Variants in AUTS2 observed in about 807,000 individuals in gnomAD.
AUTS2 encodes autism susceptibility gene 2 protein.
In AUTS2, 17 loss-of-function variants were observed where a neutral mutation model predicts 112.4. That is an observed-to-expected ratio of 0.15 (90% CI 0.10 to 0.23). The LOEUF (loss-of-function observed/expected upper bound fraction) is 0.23. Ranked by LOEUF, AUTS2 falls within the 10% of genes least tolerant of loss-of-function variation. The probability of loss-of-function intolerance (pLI) is 1.00; values close to 1 mark genes in which losing one functional copy is unlikely to be tolerated. For synonymous variants in AUTS2, 751 were observed against 702.7 expected, an observed-to-expected ratio of 1.07 and a Z score of -1.09; for missense variants, 1,510 against 1,701.6, an observed-to-expected ratio of 0.89 and a Z score of 1.98.
chr7:70,008,286 C>A (rs1348573100), intron 2 of AUTS2, among the ~76,000 whole-genome samples: 2 of 152,016 alleles, frequency 1.3e-5, no homozygotes, highest in Non-Finnish European at 2.9e-5. Flanking sequence ...CTATTTATAA[C>A]AATTTTTAAA....
intron 5 of AUTS2, among the ~76,000 whole-genome samples, chr7:70,455,207 G>A (rs1796686213): frequency 6.6e-6 from 1 of 152,180 alleles, no homozygotes; most frequent in African/African-American, 2.4e-5. Flanking sequence ...GGGAATTGTG[G>A]GTAATAGTAA....
intron 4 of AUTS2, among the ~76,000 whole-genome samples, chr7:70,189,892 G>T (rs1809796310): frequency 6.6e-6 from 1 of 152,156 alleles, no homozygotes; most frequent in Non-Finnish European, 1.5e-5. Context: ...CTATAGTGCA[G>T]TGTGTGTTAG....
intron 6 of AUTS2, among the ~76,000 whole-genome samples, chr7:70,719,731 C>T (rs749197535): frequency 3.3e-5 from 5 of 151,978 alleles, no homozygotes; most frequent in Non-Finnish European, 2.9e-5. Flanking sequence ...CAAAGTGCTG[C>T]GATTACAGGC....
intron 2 of AUTS2, among the ~76,000 whole-genome samples, chr7:70,010,512 TC>T (rs1404151116): frequency 6.6e-6 from 1 of 152,176 alleles, no homozygotes; most frequent in Non-Finnish European, 1.5e-5. Context: ...TTAGCAATGT[TC>T]AAGATGGTGG....
intron 12 of AUTS2, chr7:70,774,372 G>T (rs1443261783): frequency 4.8e-6 from 2 of 419,562 alleles, no homozygotes; most frequent in Non-Finnish European, 8.5e-6. Flanking sequence ...GTGTCAGCTT[G>T]TATAGTTTTT....
At chr7:69,700,274 C>A (rs1797751649) in intron 1 of AUTS2, among the ~76,000 whole-genome samples, 1 of 151,956 alleles carries the variant, frequency 6.6e-6, no homozygotes, top group Non-Finnish European at 1.5e-5. Flanking sequence ...TTTGTGTCAT[C>A]AACAGTCTGG....
At chr7:70,302,765 G>A (rs918420803) in intron 4 of AUTS2, among the ~76,000 whole-genome samples, 2 of 151,990 alleles carry the variant, frequency 1.3e-5, no homozygotes, top group East Asian at 3.9e-4. Flanking sequence ...AGGCTGTCTG[G>A]CTCATCTCTT....
intron 5 of AUTS2, among the ~76,000 whole-genome samples, chr7:70,491,156 C>T (rs1234797659): frequency 6.6e-6 from 1 of 152,162 alleles, no homozygotes. Flanking sequence ...GGAGTGCCTG[C>T]CGTGTCTTTG....
intron 5 of AUTS2, among the ~76,000 whole-genome samples, chr7:70,447,152 C>T (rs1562961796): frequency 6.6e-6 from 1 of 152,224 alleles, no homozygotes; most frequent in Non-Finnish European, 1.5e-5. Flanking sequence ...ATGGCAGAAC[C>T]CACGTCCAGC....
At chr7:70,376,462 C>T (rs942571113) in intron 4 of AUTS2, among the ~76,000 whole-genome samples, 3 of 151,774 alleles carry the variant, frequency 2.0e-5, no homozygotes, top group African/African-American at 4.8e-5. Flanking sequence ...GAGATGTGGC[C>T]GGCACACCGT....
At chr7:69,827,473 C>G (rs1791302563) in intron 1 of AUTS2, among the ~76,000 whole-genome samples, 1 of 152,062 alleles carries the variant, frequency 6.6e-6, no homozygotes, top group Non-Finnish European at 1.5e-5. Context: ...TAAAAAAACC[C>G]TGGATTCTGA....
chr7:70,716,041 C>G (rs1004052276), intron 6 of AUTS2, among the ~76,000 whole-genome samples: 1 of 152,196 alleles, frequency 6.6e-6, no homozygotes, highest in Non-Finnish European at 1.5e-5. Context: ...AAACCTGAAT[C>G]GTGTTTGGTC....
intron 1 of AUTS2, among the ~76,000 whole-genome samples, chr7:69,747,398 T>C (rs1056885923): frequency 1.3e-5 from 2 of 152,238 alleles, no homozygotes; most frequent in Non-Finnish European, 2.9e-5. Context: ...CACATGGTGT[T>C]AATAAGTTCT....
At chr7:70,658,944 CCCTT>C (rs1467412950) in intron 5 of AUTS2, among the ~76,000 whole-genome samples, 2 of 152,136 alleles carry the variant, frequency 1.3e-5, no homozygotes, top group Non-Finnish European at 2.9e-5. Context: ...TTACAAGCTC[CCCTT>C]TTACTATTCA....
At chr7:69,818,836 A>G (rs1227724085) in intron 1 of AUTS2, among the ~76,000 whole-genome samples, 6 of 152,212 alleles carry the variant, frequency 3.9e-5, no homozygotes, top group Non-Finnish European at 8.8e-5. Context: ...TATGCTCATA[A>G]ACACCTGGGT....
intron 4 of AUTS2, among the ~76,000 whole-genome samples, chr7:70,371,371 A>G (rs1202960558): frequency 1.3e-5 from 2 of 152,230 alleles, no homozygotes; most frequent in East Asian, 3.8e-4. Context: ...TATTGATTGC[A>G]TGCACTGATC....
chr7:70,377,297 G>A (rs1793131137), intron 4 of AUTS2, among the ~76,000 whole-genome samples: 1 of 127,380 alleles, frequency 7.9e-6, no homozygotes, highest in South Asian at 2.6e-4. Context: ...CAGCTGAATG[G>A]TGTTTGGGTC....
intron 5 of AUTS2, among the ~76,000 whole-genome samples, chr7:70,574,906 G>A (rs1207984742): frequency 6.6e-6 from 1 of 152,144 alleles, no homozygotes; most frequent in African/African-American, 2.4e-5. Flanking sequence ...CTCGCTTTAG[G>A]ATTAGATCAA....
chr7:70,378,687 A>G (rs765872871), intron 4 of AUTS2, among the ~76,000 whole-genome samples: 2 of 152,242 alleles, frequency 1.3e-5, no homozygotes, highest in Non-Finnish European at 2.9e-5. Context: ...GATTGCATCT[A>G]TATTCCTCAT....
Sources: gnomAD v4.1 joint callset for allele counts (sites outside exome capture counted in the v4.1 genomes callset) on GRCh38, gnomAD v4.1.1 for gene constraint, MANE v1.5 for transcripts, NCBI Gene and HGNC (gene_info 2026-07-23, HGNC 2026-07-21) for gene names.